PRKCB: variants seen among roughly 807,000 people sequenced by gnomAD.
PRKCB encodes protein kinase C beta type.
A neutral mutation model predicts 81.5 loss-of-function variants in PRKCB; 13 were observed. That is an observed-to-expected ratio of 0.16 (90% CI 0.10 to 0.25). The LOEUF (loss-of-function observed/expected upper bound fraction) is 0.25. Among genes scored for constraint, PRKCB ranks in the 10% least tolerant of loss-of-function variants. PRKCB has a pLI of 1.00. For missense variants in PRKCB, 509 were observed against 875.7 expected (o/e 0.58, Z 5.29); for synonymous variants, 335 against 321.4 (o/e 1.04, Z -0.45).
intron 2 of PRKCB, among the ~76,000 whole-genome samples, chr16:23,924,637 A>C (rs1483308289): frequency 6.6e-6 from 1 of 152,094 alleles, no homozygotes; most frequent in East Asian, 1.9e-4. Context: ...TAATAAACTA[A>C]GATATCTCTA....
chr16:23,863,103 A>G (rs1962704208), intron 2 of PRKCB, among the ~76,000 whole-genome samples: 1 of 147,726 alleles, frequency 6.8e-6, no homozygotes, highest in South Asian at 2.1e-4. Flanking sequence ...TATATAATAT[A>G]TAACATATAT....
intron 2 of PRKCB, among the ~76,000 whole-genome samples, chr16:23,965,348 T>C (rs1055589941): frequency 6.6e-6 from 1 of 152,218 alleles, no homozygotes; most frequent in Non-Finnish European, 1.5e-5. Flanking sequence ...GCCTGCATAG[T>C]ATTCCATGGT....
chr16:23,953,282 A>C (rs1382091973), intron 2 of PRKCB, among the ~76,000 whole-genome samples: 1 of 152,196 alleles, frequency 6.6e-6, no homozygotes, highest in East Asian at 1.9e-4. Context: ...ATTTTCCAAT[A>C]TTGACTTCGG....
rs543877029 is a variant in PRKCB, at chr16:23,931,866, C to T, written c.206-56642C>T. Among the ~76,000 whole-genome samples, 9 of 152,248 alleles carry T rather than the reference C, an allele frequency of 5.9e-5. No individual in the cohort carries two copies. In the South Asian group the frequency reaches 6.2e-4, roughly 11 times the overall value. ...TGGCTAATCCTCTTTCATCCATATC[C>T]GCACCCAATGCTTTTCACTCCATTT... On this transcript the variant is annotated intron_variant, in intron 2 of 16. Transcript: ENST00000643927.
intron 7 of PRKCB, among the ~76,000 whole-genome samples, chr16:24,107,496 G>A (rs879761392): frequency 1.5e-4 from 23 of 152,230 alleles, no homozygotes; most frequent in South Asian, 6.2e-4. Flanking sequence ...ACATTTGGGC[G>A]GGGCTACAGT....
intron 2 of PRKCB, chr16:23,869,162 C>T (rs889012357): frequency 1.3e-5 from 6 of 452,922 alleles, no homozygotes; most frequent in African/African-American, 6.0e-5. Flanking sequence ...GCCAATGGAA[C>T]GTGAGCAGAC....
intron 12 of PRKCB, among the ~76,000 whole-genome samples, chr16:24,177,270 G>C (rs1015532543): frequency 6.6e-6 from 1 of 152,178 alleles, no homozygotes; most frequent in Non-Finnish European, 1.5e-5. Flanking sequence ...CGGCTCACTG[G>C]CCAGGCAGGT....
intron 2 of PRKCB, among the ~76,000 whole-genome samples, chr16:23,936,535 C>T (rs1308003126): frequency 6.6e-6 from 1 of 151,120 alleles, no homozygotes; most frequent in East Asian, 1.9e-4. Flanking sequence ...ACCTCAGCTT[C>T]CTGCGTAGGT....
chr16:24,075,921 C>T (rs1966170854), intron 5 of PRKCB, among the ~76,000 whole-genome samples: 1 of 152,148 alleles, frequency 6.6e-6, no homozygotes, highest in South Asian at 2.1e-4. Flanking sequence ...CTGAGCAGGG[C>T]CTGAGATCAT....
intron 2 of PRKCB, among the ~76,000 whole-genome samples, chr16:23,890,023 A>T (rs1413372271): frequency 6.6e-6 from 1 of 152,214 alleles, no homozygotes; most frequent in African/African-American, 2.4e-5. Flanking sequence ...CACTTATCTA[A>T]TTCCAATAGT....
intron 16 of PRKCB, among the ~76,000 whole-genome samples, chr16:24,202,473 C>T (rs1159204012): frequency 6.6e-6 from 1 of 152,178 alleles, no homozygotes; most frequent in Non-Finnish European, 1.5e-5. Context: ...ATTAGGTGCT[C>T]TAATCCTTTC....
intron 2 of PRKCB, among the ~76,000 whole-genome samples, chr16:23,947,922 C>T (rs900520610): frequency 2.1e-5 from 3 of 143,860 alleles, no homozygotes; most frequent in Non-Finnish European, 4.5e-5. Flanking sequence ...GTGAATTCGC[C>T]ACCTCATAAA....
chr16:23,998,635 T>C (rs1964990933), intron 3 of PRKCB, among the ~76,000 whole-genome samples: 1 of 152,208 alleles, frequency 6.6e-6, no homozygotes, highest in African/African-American at 2.4e-5. Context: ...CTTGATAGCA[T>C]TGTTATGAGT....
At chr16:24,019,905 G>T (rs574568877) in intron 3 of PRKCB, among the ~76,000 whole-genome samples, 4 of 152,102 alleles carry the variant, frequency 2.6e-5, no homozygotes, top group Non-Finnish European at 5.9e-5. Context: ...GACACTTAGC[G>T]TGTTTAAATC....
intron 9 of PRKCB, among the ~76,000 whole-genome samples, chr16:24,140,490 G>C (rs1966888123): frequency 6.6e-6 from 1 of 152,172 alleles, no homozygotes; most frequent in African/African-American, 2.4e-5. Flanking sequence ...TTGGAGGCTA[G>C]AATTTTTCCA....
intron 9 of PRKCB, among the ~76,000 whole-genome samples, chr16:24,142,053 A>G (rs1002604608): frequency 1.3e-5 from 2 of 152,156 alleles, no homozygotes; most frequent in African/African-American, 4.8e-5. Flanking sequence ...AACCTGCATT[A>G]TGTCACTTGA....
chr16:23,902,474 A>G (rs11640396), intron 2 of PRKCB, among the ~76,000 whole-genome samples: 144,499 of 152,176 alleles, frequency 0.95, 68,630 homozygotes, highest in East Asian at 1. Flanking sequence ...GCTCTATTCT[A>G]TATCATTTTC....
intron 5 of PRKCB, among the ~76,000 whole-genome samples, chr16:24,073,077 T>A (rs1229688784): frequency 6.6e-6 from 1 of 152,218 alleles, no homozygotes; most frequent in Non-Finnish European, 1.5e-5. Context: ...CTGGCCTTGT[T>A]AGTTTCTTCT....
intron 2 of PRKCB, among the ~76,000 whole-genome samples, chr16:23,986,058 A>G (rs2141819967): frequency 6.6e-6 from 1 of 152,298 alleles, no homozygotes; most frequent in East Asian, 1.9e-4. Context: ...AGATTCCAAG[A>G]AATTAGACAT....
Sources: gnomAD v4.1 joint callset for allele counts (sites outside exome capture counted in the v4.1 genomes callset) on GRCh38, gnomAD v4.1.1 for gene constraint, MANE v1.5 for transcripts, NCBI Gene and HGNC (gene_info 2026-07-23, HGNC 2026-07-21) for gene names.